The following TTC33 variants were observed in gnomAD, a reference collection of about 807,000 sequenced individuals.
The protein encoded by TTC33 is tetratricopeptide repeat protein 33.
TTC33 carries 24 observed loss-of-function variants against 29.4 expected under a neutral mutation model. The observed-to-expected ratio is 0.82, with a 90% CI of 0.59 to 1.15. The LOEUF is 1.15. Ranked by LOEUF, TTC33 falls within the 50% of genes most tolerant of loss-of-function variation. The probability of loss-of-function intolerance (pLI) is 0.00; values close to 1 mark genes in which losing one functional copy is unlikely to be tolerated. For synonymous variants in TTC33, 107 were observed against 100.3 expected (o/e 1.07, Z -0.40); for missense variants, 286 against 310.4 (o/e 0.92, Z 0.59).
chr5:40,737,407 A>AT, intron 2 of TTC33, among the ~76,000 whole-genome samples: 1 of 152,322 alleles, frequency 6.6e-6, no homozygotes, highest in Middle Eastern at 3.4e-3. Context: ...CCGAAAATAC[A>AT]TAATATCCAG....
At chr5:40,726,407 G>T (rs1742287881) in intron 4 of TTC33, among the ~76,000 whole-genome samples, 1 of 151,270 alleles carries the variant, frequency 6.6e-6, no homozygotes, top group African/African-American at 2.4e-5. Context: ...AGAAATTCTA[G>T]CTTGCTTTCA....
chr5:40,727,420 G>A (rs767634805), intron 4 of TTC33, among the ~76,000 whole-genome samples: 1 of 152,192 alleles, frequency 6.6e-6, no homozygotes, highest in South Asian at 2.1e-4. Context: ...CAGGACAGCT[G>A]TCACAGCTAA....
intron 3 of TTC33, 101 bp from the exon 4 acceptor site, chr5:40,728,577 T>A: frequency 1.7e-6 from 2 of 1,160,770 alleles, no homozygotes; most frequent in Non-Finnish European, 2.3e-6. Flanking sequence ...TTTAGTCCAG[T>A]AAAAATAGCA....
rs1420757748 is a variant in TTC33, at chr5:40,716,076, A to G, written c.*69T>C. The G allele has an allele frequency of 7.6e-7, 1 of 1,308,926 alleles. No individual in the cohort carries two copies. Among genetic ancestry groups the G allele is most frequent in the Non-Finnish European group, 1.0e-6 (1 of 960,412 alleles). The allele number at this position is 1,308,926 out of a possible 1,614,324, so 81.1% of individuals were successfully genotyped here. On this transcript the variant is annotated 3_prime_UTR_variant, in exon 5 of 5. Coordinates refer to ENST00000337702, the MANE Select transcript of TTC33 (RefSeq NM_012382.3). ...CGTTCTCCTATCTATCTCCAGAGTA[A>G]ATGTCTCTATGTCAAAACTTCAAGA...
chr5:40,721,701 A>G (rs376042158), intron 4 of TTC33, among the ~76,000 whole-genome samples: 6 of 152,028 alleles, frequency 3.9e-5, no homozygotes, highest in African/African-American at 1.2e-4. Context: ...ACAAAACAAA[A>G]CAAAAAAACA....
In TTC33 at chr5:40,740,838, G is replaced by A. The variant is rs572262193; in HGVS notation, c.221+5960C>T. Among the ~76,000 whole-genome samples, 8 of 152,178 alleles carry A rather than the reference G, an allele frequency of 5.3e-5. No homozygotes were observed. The East Asian group carries it at 5.8e-4, about 11-fold the overall frequency. ...AATGAAATCTTTGCATGTTTAAGCC[G>A]GTCTTAGCATATGCTTCTAGAAGGA... On this transcript the variant is annotated intron_variant, in intron 2 of 4. Coordinates refer to ENST00000337702, the MANE Select transcript of TTC33 (RefSeq NM_012382.3).
At chr5:40,748,776 A>C (rs1375990554) in intron 1 of TTC33, among the ~76,000 whole-genome samples, 1 of 152,178 alleles carries the variant, frequency 6.6e-6, no homozygotes, top group African/African-American at 2.4e-5. Context: ...CCATAATAAA[A>C]AGGTTTTAAA....
chr5:40,751,817 C>G (rs901381479), intron 1 of TTC33, among the ~76,000 whole-genome samples: 1 of 152,002 alleles, frequency 6.6e-6, no homozygotes, highest in African/African-American at 2.4e-5. Context: ...ATTAGCTGGG[C>G]GTGGTGGCGC....
At chr5:40,720,710 T>C (rs1406846179) in intron 4 of TTC33, among the ~76,000 whole-genome samples, 3 of 152,038 alleles carry the variant, frequency 2.0e-5, no homozygotes, top group Non-Finnish European at 4.4e-5. Context: ...AGAAACTAAC[T>C]GAAAGGCTCC....
At chr5:40,743,407 G>C (rs1742734115) in intron 2 of TTC33, among the ~76,000 whole-genome samples, 1 of 152,114 alleles carries the variant, frequency 6.6e-6, no homozygotes, top group African/African-American at 2.4e-5. Context: ...GGTAGGCAGG[G>C]ACTCAGTATT....
chr5:40,752,491 G>A (rs972841008), intron 1 of TTC33, among the ~76,000 whole-genome samples: 1 of 152,160 alleles, frequency 6.6e-6, no homozygotes, highest in Non-Finnish European at 1.5e-5. Flanking sequence ...ACACTTAGAG[G>A]GCATTGTAGG....
At chr5:40,717,119 C>T (rs954085051) in intron 4 of TTC33, among the ~76,000 whole-genome samples, 1 of 151,444 alleles carries the variant, frequency 6.6e-6, no homozygotes, top group Non-Finnish European at 1.5e-5. Context: ...ATCCCAGCTA[C>T]CCAGGAGGGT....
intron 2 of TTC33, among the ~76,000 whole-genome samples, chr5:40,744,487 G>GTTTTTTT (rs375739587): frequency 7.3e-6 from 1 of 136,414 alleles, no homozygotes; most frequent in Non-Finnish European, 1.6e-5. Context: ...ACTCTTACCA[G>GTTTTTTT]TTTTTTTTTT....
chr5:40,738,993 G>A (rs1742634001), intron 2 of TTC33, among the ~76,000 whole-genome samples: 2 of 152,106 alleles, frequency 1.3e-5, no homozygotes, highest in African/African-American at 4.8e-5. Context: ...CCCAGCCTGT[G>A]GCCTGACTTT....
intron 4 of TTC33, among the ~76,000 whole-genome samples, chr5:40,718,697 C>T (rs1742060554): frequency 6.6e-6 from 1 of 151,852 alleles, no homozygotes; most frequent in Non-Finnish European, 1.5e-5. Flanking sequence ...GAGATTGCAC[C>T]ACCGCACTTC....
chr5:40,727,783 T>C (rs905528226), intron 4 of TTC33, among the ~76,000 whole-genome samples: 1 of 152,202 alleles, frequency 6.6e-6, no homozygotes, highest in Non-Finnish European at 1.5e-5. Context: ...CAATGTTTTA[T>C]GTTAAATTTT....
At chr5:40,737,639 G>A (rs1430338646) in intron 2 of TTC33, among the ~76,000 whole-genome samples, 1 of 152,072 alleles carries the variant, frequency 6.6e-6, no homozygotes. Context: ...ACTTTCTGAT[G>A]AGTTTTGAGA....
At chr5:40,751,148 T>C (rs1193127868) in intron 1 of TTC33, among the ~76,000 whole-genome samples, 1 of 152,250 alleles carries the variant, frequency 6.6e-6, no homozygotes, top group African/African-American at 2.4e-5. Flanking sequence ...GAAGAATCAC[T>C]ATCTATGGCA....
At chr5:40,740,980 T>C (rs1459603932) in intron 2 of TTC33, among the ~76,000 whole-genome samples, 1 of 152,246 alleles carries the variant, frequency 6.6e-6, no homozygotes, top group Non-Finnish European at 1.5e-5. Context: ...TTTGTTTCCC[T>C]TTAATTATCT....
Sources: gnomAD v4.1 joint callset for allele counts (sites outside exome capture counted in the v4.1 genomes callset) on GRCh38, gnomAD v4.1.1 for gene constraint, MANE v1.5 for transcripts, NCBI Gene and HGNC (gene_info 2026-07-23, HGNC 2026-07-21) for gene names.